CNTN5: variants seen among roughly 807,000 people sequenced by gnomAD.
CNTN5 encodes the protein contactin-5.
A neutral mutation model predicts 129.1 loss-of-function variants in CNTN5; 77 were observed. That is an observed-to-expected ratio of 0.60 (90% confidence interval 0.50 to 0.72). The LOEUF (loss-of-function observed/expected upper bound fraction) is 0.72, where lower values mean the gene tolerates loss of function less well. Among genes scored for constraint, CNTN5 ranks in the 30% least tolerant of loss-of-function variants. The pLI is 0.00. For missense variants in CNTN5, 1,478 were observed against 1,328.8 expected (o/e 1.11, Z -1.75); for synonymous variants, 509 against 465.6 (o/e 1.09, Z -1.20).
At chr11:100,150,582 T>C (rs1019044417) in intron 13 of CNTN5, among the ~76,000 whole-genome samples, 1 of 151,996 alleles carries the variant, frequency 6.6e-6, no homozygotes, top group South Asian at 2.1e-4. Flanking sequence ...TGCCTTTTTT[T>C]CCCTCTCAAA....
chr11:99,705,835 T>A (rs1436964301), intron 3 of CNTN5, among the ~76,000 whole-genome samples: 1 of 151,324 alleles, frequency 6.6e-6, no homozygotes, highest in Non-Finnish European at 1.5e-5. Flanking sequence ...TGAGATTACA[T>A]AGTCCTGATC....
At chr11:100,207,240 A>G (rs1381562379) in intron 15 of CNTN5, among the ~76,000 whole-genome samples, 1 of 152,160 alleles carries the variant, frequency 6.6e-6, no homozygotes, top group Non-Finnish European at 1.5e-5. Context: ...CTTAATAAAT[A>G]GGTATGTCAT....
chr11:99,027,461 CTG>C (rs1013072694), intron 1 of CNTN5, among the ~76,000 whole-genome samples: 21 of 151,516 alleles, frequency 1.4e-4, no homozygotes, highest in Admixed American at 9.2e-4. Flanking sequence ...CACTACTTTT[CTG>C]TGTTTTAAAA....
intron 2 of CNTN5, among the ~76,000 whole-genome samples, chr11:99,545,734 A>C (rs1481013453): frequency 6.6e-6 from 1 of 152,184 alleles, no homozygotes; most frequent in Non-Finnish European, 1.5e-5. Context: ...TTTAAGTCAG[A>C]ATTTAGTCGA....
rs956513400 is a variant in CNTN5, at chr11:99,848,400, A to T, written c.577+3138A>T. Reference sequence around the variant, plus strand: ...TCACATTTTAAAGCTAAAATATTTTATATCTACCAGGCTTTATTTATCTAA... The same window carrying T: ...TCACATTTTAAAGCTAAAATATTTTTTATCTACCAGGCTTTATTTATCTAA... On this transcript the variant is annotated intron_variant, in intron 6 of 24. Transcript: ENST00000524871. Among the ~76,000 whole-genome samples the T allele has an allele frequency of 9.9e-5, 15 of 152,272 alleles. 1 individual carries two copies. Among genetic ancestry groups the T allele is most frequent in the Admixed American group, 2.0e-4 (3 of 15,290 alleles).
chr11:99,430,516 CTA>C (rs1464739987), intron 2 of CNTN5, among the ~76,000 whole-genome samples: 2 of 149,386 alleles, frequency 1.3e-5, no homozygotes, highest in Non-Finnish European at 3.0e-5. Flanking sequence ...TTTTCTCTCT[CTA>C]TATATATATA....
At chr11:99,528,697 G>A (rs1947581745) in intron 2 of CNTN5, among the ~76,000 whole-genome samples, 3 of 152,176 alleles carry the variant, frequency 2.0e-5, no homozygotes, top group South Asian at 4.1e-4. Flanking sequence ...AAAGCTTCAG[G>A]ACTTAGAAAG....
chr11:99,776,255 T>C (rs983746802), intron 3 of CNTN5, among the ~76,000 whole-genome samples: 4 of 151,912 alleles, frequency 2.6e-5, no homozygotes, highest in African/African-American at 9.7e-5. Context: ...CAGCATCCTG[T>C]AGGAGTACAG....
chr11:99,830,339 C>CT (rs1381269657), intron 4 of CNTN5, among the ~76,000 whole-genome samples: 1 of 152,130 alleles, frequency 6.6e-6, no homozygotes, highest in Non-Finnish European at 1.5e-5. Context: ...GCACTGTCTT[C>CT]TGACAATTGG....
At chr11:99,720,163 CTCTA>C (rs1336516054) in intron 3 of CNTN5, among the ~76,000 whole-genome samples, 2 of 152,130 alleles carry the variant, frequency 1.3e-5, no homozygotes, top group African/African-American at 4.8e-5. Flanking sequence ...GACTCCTCCA[CTCTA>C]TCTATGAGGC....
intron 1 of CNTN5, among the ~76,000 whole-genome samples, chr11:99,091,386 T>A (rs1163574024): frequency 6.6e-6 from 1 of 152,172 alleles, no homozygotes; most frequent in Non-Finnish European, 1.5e-5. Context: ...TGGTGCTAGT[T>A]TTGCTTTGGA....
chr11:99,338,911 C>T (rs1866358847), intron 2 of CNTN5, among the ~76,000 whole-genome samples: 1 of 83,020 alleles, frequency 1.2e-5, no homozygotes, highest in Non-Finnish European at 2.2e-5. Flanking sequence ...GTATTTTGTT[C>T]ATTCACAGAT....
At chr11:99,843,340 T>C (rs1002710183) in intron 4 of CNTN5, among the ~76,000 whole-genome samples, 1 of 152,244 alleles carries the variant, frequency 6.6e-6, no homozygotes, top group African/African-American at 2.4e-5. Flanking sequence ...TGAAAACTTT[T>C]GTTTTACTTC....
chr11:99,829,281 G>T (rs1274097518), intron 4 of CNTN5, among the ~76,000 whole-genome samples: 2 of 152,118 alleles, frequency 1.3e-5, no homozygotes, highest in South Asian at 2.1e-4. Context: ...ACAGAAAAAG[G>T]CTGCATTCAG....
chr11:99,195,708 T>C (rs1331713806), intron 1 of CNTN5, among the ~76,000 whole-genome samples: 1 of 152,092 alleles, frequency 6.6e-6, no homozygotes, highest in Non-Finnish European at 1.5e-5. Context: ...AATTCATAAT[T>C]AATTTACAAA....
chr11:100,071,136 A>G (rs1943905867), intron 11 of CNTN5, among the ~76,000 whole-genome samples: 1 of 152,082 alleles, frequency 6.6e-6, no homozygotes, highest in Non-Finnish European at 1.5e-5. Flanking sequence ...TTTTTATACT[A>G]TCTTATGATA....
intron 16 of CNTN5, among the ~76,000 whole-genome samples, chr11:100,225,909 T>C (rs1949363747): frequency 6.6e-6 from 1 of 152,140 alleles, no homozygotes; most frequent in Non-Finnish European, 1.5e-5. Flanking sequence ...CTCTATGTTT[T>C]AGTTATATAT....
chr11:100,295,758 A>G (rs1048853210), intron 18 of CNTN5, among the ~76,000 whole-genome samples: 3 of 151,294 alleles, frequency 2.0e-5, no homozygotes, highest in African/African-American at 7.3e-5. Context: ...GAAACTTATG[A>G]TCATAGGAAT....
intron 16 of CNTN5, among the ~76,000 whole-genome samples, chr11:100,250,875 A>G (rs527940092): frequency 6.6e-6 from 1 of 152,282 alleles, no homozygotes; most frequent in African/African-American, 2.4e-5. Context: ...ATTTAAATTA[A>G]CAAAGAGTTG....
Sources: gnomAD v4.1 joint callset for allele counts (sites outside exome capture counted in the v4.1 genomes callset) on GRCh38, gnomAD v4.1.1 for gene constraint, MANE v1.5 for transcripts, NCBI Gene and HGNC (gene_info 2026-07-23, HGNC 2026-07-21) for gene names.